The following SPMIP5 variants were observed in gnomAD, a reference collection of about 807,000 sequenced individuals.
SPMIP5 encodes sperm microtubule inner protein 5.
At chr10:116,665,224 C>T in the SPMIP5 span, 3 of 721,006 alleles carry the variant, frequency 4.2e-6, no homozygotes, top group African/African-American at 3.7e-5. Context: ...TGGTGAAACC[C>T]CGTCTCTACT....
chr10:116,664,069 C>T, the SPMIP5 span: 11 of 1,608,742 alleles, frequency 6.8e-6, no homozygotes, highest in African/African-American at 4.0e-5. Context: ...AGGAACCGTC[C>T]GTGTGAGTTG....
At chr10:116,668,516 C>T in the SPMIP5 span, among the ~76,000 whole-genome samples, 1 of 152,128 alleles carries the variant, frequency 6.6e-6, no homozygotes, top group African/African-American at 2.4e-5. Flanking sequence ...GACCTATTAC[C>T]AAGGGCCCAT....
the SPMIP5 span, chr10:116,664,294 A>G: frequency 6.7e-7 from 1 of 1,501,610 alleles, no homozygotes; most frequent in Admixed American, 1.9e-5. Flanking sequence ...TAGAAGTCAC[A>G]AAGTTATGGA....
the SPMIP5 span, among the ~76,000 whole-genome samples, chr10:116,662,632 T>C: frequency 6.6e-6 from 1 of 152,168 alleles, no homozygotes; most frequent in Non-Finnish European, 1.5e-5. Flanking sequence ...GACAACGGTC[T>C]CATTGTCCCA....
chr10:116,664,350 A>G, the SPMIP5 span: 4 of 1,018,222 alleles, frequency 3.9e-6, no homozygotes, highest in Non-Finnish European at 5.6e-6. Flanking sequence ...AAAATACAAT[A>G]CATAAATATG....
chr10:116,663,894 G>C, the SPMIP5 span: 6 of 1,532,928 alleles, frequency 3.9e-6, no homozygotes, highest in South Asian at 7.2e-5. Flanking sequence ...CTCCTTGGGA[G>C]ACTCTGCGCT....
the SPMIP5 span, chr10:116,664,766 A>G: frequency 1.9e-6 from 3 of 1,613,896 alleles, no homozygotes; most frequent in South Asian, 1.1e-5. Context: ...CTCACTCTTC[A>G]TATGGTTTCA....
the SPMIP5 span, chr10:116,663,902 G>A: frequency 1.5e-5 from 23 of 1,534,526 alleles, no homozygotes; most frequent in African/African-American, 6.9e-5. Flanking sequence ...GAGACTCTGC[G>A]CTTCTAGCCT....
the SPMIP5 span, among the ~76,000 whole-genome samples, chr10:116,667,001 T>C: frequency 2.6e-5 from 4 of 152,206 alleles, no homozygotes; most frequent in African/African-American, 9.7e-5. Flanking sequence ...TCCTAACCCC[T>C]GGTACCTGTG....
the SPMIP5 span, chr10:116,664,862 A>G: frequency 6.2e-7 from 1 of 1,614,168 alleles, no homozygotes; most frequent in Non-Finnish European, 8.5e-7. Context: ...TGCCACAGCC[A>G]AATTCAGTGA....
At chr10:116,666,534 T>C in the SPMIP5 span, among the ~76,000 whole-genome samples, 1 of 151,934 alleles carries the variant, frequency 6.6e-6, no homozygotes, top group Admixed American at 6.6e-5. Flanking sequence ...TAAATAAATC[T>C]CTCTCCTTAT....
the SPMIP5 span, chr10:116,663,705 GCAGCCTC>G: frequency 1.8e-6 from 1 of 568,678 alleles, no homozygotes; most frequent in Non-Finnish European, 2.9e-6. Context: ...ATGCGGAGAA[GCAGCCTC>G]TTTATTCCCA....
the SPMIP5 span, chr10:116,665,882 A>G: frequency 3.0e-4 from 445 of 1,479,574 alleles, no homozygotes; most frequent in African/African-American, 1.7e-3. Flanking sequence ...CAAGGAATTC[A>G]GAGCCCGCCT....
chr10:116,670,237 G>C, the SPMIP5 span: 1 of 152,326 alleles, frequency 6.6e-6, no homozygotes, highest in African/African-American at 2.4e-5. Context: ...GTCAAAGCGG[G>C]CGTTTTTGCG....
chr10:116,665,100 G>T, the SPMIP5 span: 4 of 1,408,470 alleles, frequency 2.8e-6, no homozygotes, highest in African/African-American at 1.5e-5. Flanking sequence ...CCCTCCCCTA[G>T]AAATGTTTCT....
At chr10:116,664,108 G>A in the SPMIP5 span, 3 of 1,613,610 alleles carry the variant, frequency 1.9e-6, no homozygotes, top group African/African-American at 2.7e-5. Context: ...AAGCAGAAAG[G>A]CCACTGCAAA....
At chr10:116,664,851 G>T in the SPMIP5 span, 2 of 1,614,018 alleles carry the variant, frequency 1.2e-6, no homozygotes, top group Admixed American at 1.7e-5. Flanking sequence ...AGTGTATCTC[G>T]TGCCACAGCC....
At chr10:116,662,946 G>A in the SPMIP5 span, among the ~76,000 whole-genome samples, 6 of 152,116 alleles carry the variant, frequency 3.9e-5, no homozygotes, top group Non-Finnish European at 8.8e-5. Flanking sequence ...ACTTTGGGAG[G>A]CCGAGGCAGG....
the SPMIP5 span, among the ~76,000 whole-genome samples, chr10:116,667,721 C>G: frequency 1.3e-5 from 2 of 152,188 alleles, no homozygotes; most frequent in Non-Finnish European, 2.9e-5. Context: ...GTAGGGCAAC[C>G]AATCGTCCTG....
Sources: allele counts gnomAD v4.1 joint callset (sites outside exome capture counted in the v4.1 genomes callset), GRCh38; gene constraint gnomAD v4.1.1; transcripts MANE v1.5; gene names NCBI Gene and HGNC (gene_info 2026-07-23, HGNC 2026-07-21).